SEMA3E: variants seen among roughly 807,000 people sequenced by gnomAD.
The protein encoded by SEMA3E is semaphorin-3E.
A neutral mutation model predicts 93.6 loss-of-function variants in SEMA3E; 49 were observed. The observed-to-expected ratio is 0.52, with a 90% CI of 0.42 to 0.66. The LOEUF (loss-of-function observed/expected upper bound fraction) is 0.66. SEMA3E is among the 30% of genes least tolerant of loss of function. SEMA3E has a pLI of 0.00. For missense variants in SEMA3E, 906 were observed against 964.8 expected, an observed-to-expected ratio of 0.94 and a Z score of 0.81; for synonymous variants, 363 against 330.7, an observed-to-expected ratio of 1.10 and a Z score of -1.06.
chr7:83,611,338 ATT>A (rs1488943016), intron 1 of SEMA3E, among the ~76,000 whole-genome samples: 2 of 144,560 alleles, frequency 1.4e-5, no homozygotes, highest in Non-Finnish European at 3.0e-5. Context: ...AAATTTATAT[ATT>A]ATATATAATA....
chr7:83,442,689 T>C (rs969648502), intron 4 of SEMA3E, among the ~76,000 whole-genome samples: 27 of 152,238 alleles, frequency 1.8e-4, no homozygotes, highest in African/African-American at 5.5e-4. Context: ...ATAGCCTTTT[T>C]CCCTACAACT....
At chr7:83,482,758 A>G (rs1790174061) in intron 2 of SEMA3E, among the ~76,000 whole-genome samples, 1 of 152,118 alleles carries the variant, frequency 6.6e-6, no homozygotes, top group South Asian at 2.1e-4. Context: ...AGCCAATGTT[A>G]ATACAATATG....
intron 1 of SEMA3E, among the ~76,000 whole-genome samples, chr7:83,541,724 A>C (rs1368061740): frequency 6.6e-6 from 1 of 152,112 alleles, no homozygotes; most frequent in African/African-American, 2.4e-5. Context: ...TCATGATGCT[A>C]CCTTTCAGAG....
chr7:83,615,200 A>G (rs1793338651), intron 1 of SEMA3E, among the ~76,000 whole-genome samples: 2 of 152,230 alleles, frequency 1.3e-5, no homozygotes, highest in South Asian at 4.1e-4. Context: ...GCAACTTTAT[A>G]CCTTATCTCT....
At chr7:83,461,255 T>C (rs577346192) in intron 4 of SEMA3E, among the ~76,000 whole-genome samples, 14 of 152,304 alleles carry the variant, frequency 9.2e-5, no homozygotes, top group African/African-American at 3.4e-4. Context: ...CCCTCCCGCC[T>C]GTACCCTCAG....
chr7:83,487,270 T>C (rs1187090453), intron 2 of SEMA3E, among the ~76,000 whole-genome samples: 2 of 152,116 alleles, frequency 1.3e-5, no homozygotes, highest in South Asian at 2.1e-4. Flanking sequence ...AAAATTGTTA[T>C]TAAATTTTGT....
intron 1 of SEMA3E, among the ~76,000 whole-genome samples, chr7:83,599,424 A>C (rs895590066): frequency 3.9e-5 from 6 of 152,198 alleles, no homozygotes; most frequent in African/African-American, 1.4e-4. Flanking sequence ...ATGGATGCCA[A>C]AATAGTTCAT....
At chr7:83,599,791 C>T (rs1008897644) in intron 1 of SEMA3E, among the ~76,000 whole-genome samples, 9 of 152,084 alleles carry the variant, frequency 5.9e-5, no homozygotes, top group African/African-American at 2.2e-4. Context: ...TGAGGTCTTG[C>T]TAATGTGTTG....
chr7:83,597,665 A>G (rs968098006), intron 1 of SEMA3E, among the ~76,000 whole-genome samples: 1 of 152,148 alleles, frequency 6.6e-6, no homozygotes, highest in Non-Finnish European at 1.5e-5. Context: ...CCAAACATAG[A>G]TTCAGCGTGT....
intron 16 of SEMA3E, among the ~76,000 whole-genome samples, chr7:83,379,244 G>T (rs901239239): frequency 6.6e-6 from 1 of 151,322 alleles, no homozygotes; most frequent in South Asian, 2.1e-4. Context: ...GGCTCCAAAA[G>T]GTGGGAGGGT....
At position 83,593,507 on chromosome 7, in the gene SEMA3E, A is replaced by G. The variant is rs567375309; in HGVS notation, c.115+54921T>C. Among the ~76,000 whole-genome samples the G allele has an allele frequency of 8.0e-4, 121 of 152,164 alleles. 1 individual carries two copies. Among genetic ancestry groups the G allele is most frequent in the Non-Finnish European group, 1.1e-3 (74 of 68,002 alleles). On this transcript the variant is annotated intron_variant, in intron 1 of 16. Coordinates refer to ENST00000643230, the MANE Select transcript of SEMA3E (RefSeq NM_012431.3). Reference sequence around the variant, plus strand: ...CAATCTTAAAACAATATTTAGATATACAATCAAGAATACTTAGTACCTGTG... The same window carrying G: ...CAATCTTAAAACAATATTTAGATATGCAATCAAGAATACTTAGTACCTGTG...
Position 83,363,859 on chromosome 7 carries a change from CATTTTTTTTTTTTTTTTTTTTTTTTTT to C in SEMA3E, c.*3700_*3726del, listed in dbSNP as rs1483981305. On this transcript the variant is annotated 3_prime_UTR_variant, in exon 17 of 17. Coordinates refer to ENST00000643230, the MANE Select transcript of SEMA3E (RefSeq NM_012431.3). ...AGGCTACAGGTGTCACAGGTCAATTCATTTTTTTTTTTTTTTTTTTTTTTTTTTTTTTTTTTTTTTTTTTTTGAGACG... is the reference window on the plus strand; with the variant it reads ...AGGCTACAGGTGTCACAGGTCAATTCTTTTTTTTTTTTTTTTTTTGAGACG... 4 of 100,566 alleles carry C rather than the reference CATTTTTTTTTTTTTTTTTTTTTTTTTT, an allele frequency of 4.0e-5. No homozygotes were observed. The highest frequency in any genetic ancestry group is 3.0e-4 in the East Asian group (1 of 3,366). The allele number at this position is 100,566 out of a possible 1,614,324, so 6.2% of individuals were successfully genotyped here. A position where few individuals can be genotyped will look rare whatever the true frequency, so the allele number is the denominator to read the frequency against.
chr7:83,635,724 G>A (rs1298274146), intron 1 of SEMA3E, among the ~76,000 whole-genome samples: 1 of 151,850 alleles, frequency 6.6e-6, no homozygotes, highest in East Asian at 1.9e-4. Flanking sequence ...CCTGGGTTGA[G>A]AAAGTCAAAT....
chr7:83,506,888 G>A (rs1236758367), intron 1 of SEMA3E, among the ~76,000 whole-genome samples: 1 of 152,116 alleles, frequency 6.6e-6, no homozygotes, highest in Non-Finnish European at 1.5e-5. Flanking sequence ...AAACTTCAAG[G>A]TATAAAATTA....
chr7:83,479,498 T>C (rs980194464), intron 2 of SEMA3E, among the ~76,000 whole-genome samples: 3 of 152,234 alleles, frequency 2.0e-5, no homozygotes, highest in Admixed American at 2.0e-4. Context: ...AAATATGTAA[T>C]ACTTCTATCC....
chr7:83,623,163 C>T (rs1365462989), intron 1 of SEMA3E, among the ~76,000 whole-genome samples: 1 of 151,976 alleles, frequency 6.6e-6, no homozygotes, highest in Non-Finnish European at 1.5e-5. Context: ...GGAATTCATA[C>T]ATGGGAAATA....
At chr7:83,532,844 C>A (rs1424860655) in intron 1 of SEMA3E, among the ~76,000 whole-genome samples, 1 of 151,846 alleles carries the variant, frequency 6.6e-6, no homozygotes, top group African/African-American at 2.4e-5. Context: ...TTGCTTCAAC[C>A]ATTTGTGTGT....
At chr7:83,573,680 G>C (rs1792334564) in intron 1 of SEMA3E, among the ~76,000 whole-genome samples, 1 of 152,012 alleles carries the variant, frequency 6.6e-6, no homozygotes, top group Non-Finnish European at 1.5e-5. Context: ...AATATCTATT[G>C]TGTAAGTTTC....
chr7:83,398,498 G>A (rs1463628465), intron 11 of SEMA3E, among the ~76,000 whole-genome samples: 2 of 152,168 alleles, frequency 1.3e-5, no homozygotes, highest in Non-Finnish European at 2.9e-5. Context: ...GTTTGCTAAA[G>A]AAATCTGATG....
Sources: allele counts gnomAD v4.1 joint callset (sites outside exome capture counted in the v4.1 genomes callset), GRCh38; gene constraint gnomAD v4.1.1; transcripts MANE v1.5; gene names NCBI Gene and HGNC (gene_info 2026-07-23, HGNC 2026-07-21).